The following CALCR variants were observed in gnomAD, a reference collection of about 807,000 sequenced individuals.
CALCR encodes the protein calcitonin receptor.
Under a neutral mutation model 59.5 loss-of-function variants are expected in CALCR, and 47 were observed. The ratio of observed to expected loss-of-function variants is 0.79; its 90% CI spans 0.63 to 1.01. The LOEUF (loss-of-function observed/expected upper bound fraction) is 1.01. Ranked by LOEUF, CALCR falls within the 50% of genes least tolerant of loss-of-function variation. The probability of loss-of-function intolerance (pLI) is 0.00; values close to 1 mark genes in which losing one functional copy is unlikely to be tolerated. For missense variants in CALCR, 566 were observed against 597.1 expected, an observed-to-expected ratio of 0.95 and a Z score of 0.54; for synonymous variants, 213 against 211.3, an observed-to-expected ratio of 1.01 and a Z score of -0.07.
At chr7:93,495,686 C>T (rs1028709842) in intron 2 of CALCR, among the ~76,000 whole-genome samples, 41 of 151,198 alleles carry the variant, frequency 2.7e-4, no homozygotes, top group African/African-American at 7.5e-4. Flanking sequence ...TAATGATTTC[C>T]GGCATATCTT....
intron 3 of CALCR, among the ~76,000 whole-genome samples, chr7:93,485,096 G>A (rs7778672): frequency 0.59 from 89,835 of 151,654 alleles, 28,267 homozygotes; most frequent in African/African-American, 0.82. Flanking sequence ...AGAAGTGTCA[G>A]TGTGAACATA....
chr7:93,558,531 T>C (rs888224199), intron 2 of CALCR, among the ~76,000 whole-genome samples: 2 of 152,236 alleles, frequency 1.3e-5, no homozygotes, highest in East Asian at 3.9e-4. Context: ...GTAGAGATAT[T>C]GAGAGGAAAA....
intron 2 of CALCR, among the ~76,000 whole-genome samples, chr7:93,527,040 C>T (rs951275173): frequency 5.9e-5 from 9 of 151,846 alleles, no homozygotes; most frequent in Admixed American, 2.0e-4. Context: ...ATCTCTTTCT[C>T]TCAAATTTGG....
At chr7:93,534,019 A>G (rs188427621) in intron 2 of CALCR, among the ~76,000 whole-genome samples, 366 of 151,932 alleles carry the variant, frequency 2.4e-3, no homozygotes, top group African/African-American at 8.5e-3. Flanking sequence ...CAATGCCTTT[A>G]TCTAACAGAA....
chr7:93,556,136 T>A (rs1446330138), intron 2 of CALCR, among the ~76,000 whole-genome samples: 1 of 152,176 alleles, frequency 6.6e-6, no homozygotes, highest in Non-Finnish European at 1.5e-5. Context: ...ACTTGAATTT[T>A]TTTCTCCAGG....
In CALCR at chr7:93,425,532, T is replaced by C. The variant is rs1799507670; in HGVS notation, c.*824A>G. 6.6e-6 allele frequency: 1 copy of C among 152,610 alleles called. No individual in the cohort carries two copies. Among genetic ancestry groups the C allele is most frequent in the African/African-American group, 2.4e-5 (1 of 41,440 alleles). The allele number at this position is 152,610 out of a possible 1,614,324, so 9.5% of individuals were successfully genotyped here. ...GGCAAACTCTCTTTAAAGGGAGTAT[T>C]GTCTTCCACTAAGAATTATATTTTT... On this transcript the variant is annotated 3_prime_UTR_variant, in exon 14 of 14. Transcript: ENST00000426151.
chr7:93,462,025 G>A, intron 7 of CALCR: 1 of 1,190,960 alleles, frequency 8.4e-7, no homozygotes, highest in East Asian at 2.6e-5. Flanking sequence ...GAAATTCTGG[G>A]GAAAGATGAA....
chr7:93,488,998 G>A (rs547507353), intron 2 of CALCR, among the ~76,000 whole-genome samples: 4 of 151,852 alleles, frequency 2.6e-5, no homozygotes, highest in South Asian at 2.1e-4. Flanking sequence ...TTCTAAAATC[G>A]ACCACATAAT....
intron 2 of CALCR, among the ~76,000 whole-genome samples, chr7:93,542,679 T>C (rs1193845494): frequency 2.7e-5 from 4 of 149,726 alleles, no homozygotes; most frequent in African/African-American, 9.7e-5. Context: ...AAAACACAAA[T>C]TGTACATTTG....
intron 8 of CALCR, among the ~76,000 whole-genome samples, chr7:93,456,275 GA>G (rs1477159996): frequency 6.6e-6 from 1 of 152,120 alleles, no homozygotes; most frequent in Admixed American, 6.6e-5. Context: ...AAATATGCAA[GA>G]GGCACAGTGT....
intron 11 of CALCR, 31 bp downstream of exon 11, chr7:93,438,029 A>G (rs1411137082): frequency 1.3e-6 from 2 of 1,537,038 alleles, no homozygotes; most frequent in South Asian, 1.1e-5. Context: ...AGATAATACT[A>G]CTAATATTGC....
At chr7:93,502,168 C>A (rs1801332918) in intron 2 of CALCR, among the ~76,000 whole-genome samples, 1 of 151,968 alleles carries the variant, frequency 6.6e-6, no homozygotes, top group African/African-American at 2.4e-5. Context: ...AAGGAAGGAA[C>A]TAAAATGAAC....
chr7:93,568,557 G>C (rs75264750), intron 2 of CALCR, among the ~76,000 whole-genome samples: 3,950 of 66,642 alleles, frequency 0.059, 110 homozygotes, highest in African/African-American at 0.14. Context: ...CTCTCTCTCT[G>C]TCTCTCTCCT....
chr7:93,453,496 C>T (rs1584547164), intron 8 of CALCR, among the ~76,000 whole-genome samples: 1 of 151,970 alleles, frequency 6.6e-6, no homozygotes, highest in South Asian at 2.1e-4. Flanking sequence ...TCACAACGTT[C>T]CAGCAATGAT....
At chr7:93,470,649 CTTT>C (rs946947343) in intron 6 of CALCR, among the ~76,000 whole-genome samples, 1 of 149,204 alleles carries the variant, frequency 6.7e-6, no homozygotes, top group South Asian at 2.1e-4. Context: ...TCAAGGTTGA[CTTT>C]TTTTTTAATG....
chr7:93,498,378 A>G (rs1015092627), intron 2 of CALCR, among the ~76,000 whole-genome samples: 3 of 151,648 alleles, frequency 2.0e-5, no homozygotes, highest in Non-Finnish European at 4.4e-5. Context: ...AATTGTGTGC[A>G]GTTCAGAATT....
At chr7:93,522,198 T>C (rs1357927940) in intron 2 of CALCR, among the ~76,000 whole-genome samples, 1 of 152,174 alleles carries the variant, frequency 6.6e-6, no homozygotes, top group Non-Finnish European at 1.5e-5. Context: ...GAGTATCCAA[T>C]ATTTTAGATG....
intron 9 of CALCR, among the ~76,000 whole-genome samples, chr7:93,441,720 C>A (rs1393210649): frequency 1.3e-5 from 2 of 152,054 alleles, no homozygotes; most frequent in African/African-American, 4.8e-5. Flanking sequence ...GCGCTGCTCT[C>A]CTTATAAGGG....
chr7:93,472,374 C>T lies in CALCR; in HGVS notation c.429+1G>A. On this transcript the variant is annotated splice_donor_variant, in intron 6 of 13. Transcript: ENST00000426151. LOFTEE classifies it high-confidence loss of function. ...ATACTGAAACGTGAAAAAGAACCTA[C>T]CTTCAGTTTCTCAGGAGTGAAAGCA... 1.3e-6 allele frequency: 2 copies of T among 1,548,642 alleles called. No homozygotes were observed. The highest frequency in any genetic ancestry group is 1.8e-6 in the Non-Finnish European group (2 of 1,123,572).
Sources: gnomAD v4.1 joint callset for allele counts (sites outside exome capture counted in the v4.1 genomes callset) on GRCh38, gnomAD v4.1.1 for gene constraint, MANE v1.5 for transcripts, NCBI Gene and HGNC (gene_info 2026-07-23, HGNC 2026-07-21) for gene names.